The following ALCAM variants were observed in gnomAD, a reference collection of about 807,000 sequenced individuals.
ALCAM encodes activated leukocyte cell adhesion molecule.
ALCAM carries 30 observed loss-of-function variants against 70.9 expected under a neutral mutation model. The observed-to-expected ratio is 0.42, with a 90% CI of 0.32 to 0.57. The LOEUF (loss-of-function observed/expected upper bound fraction) is 0.57, where lower values mean the gene tolerates loss of function less well. Ranked by LOEUF, ALCAM falls within the 20% of genes least tolerant of loss-of-function variation. ALCAM has a pLI of 0.11. For missense variants in ALCAM, 591 were observed against 695.1 expected, an observed-to-expected ratio of 0.85 and a Z score of 1.68; for synonymous variants, 249 against 242.5, an observed-to-expected ratio of 1.03 and a Z score of -0.25.
intron 1 of ALCAM, among the ~76,000 whole-genome samples, chr3:105,393,573 A>G (rs548835228): frequency 3.3e-5 from 5 of 151,876 alleles, no homozygotes; most frequent in Non-Finnish European, 7.4e-5. Context: ...AACCAAATTA[A>G]TTTTATAATG....
chr3:105,545,429 T>A (rs1336260452), intron 9 of ALCAM, 94 bp downstream of exon 9: 16 of 809,646 alleles, frequency 2.0e-5, no homozygotes, highest in Admixed American at 1.4e-4. Flanking sequence ...GGTATATTCA[T>A]GGATGTGTTT....
chr3:105,531,835 G>T (rs1939846041), intron 3 of ALCAM, among the ~76,000 whole-genome samples, 167 bp from the exon 4 acceptor site: 1 of 152,006 alleles, frequency 6.6e-6, no homozygotes, highest in South Asian at 2.1e-4. Context: ...TATTTGAAGG[G>T]GTAGACCTAT....
At chr3:105,374,892 G>A (rs1935339291) in intron 1 of ALCAM, among the ~76,000 whole-genome samples, 1 of 152,122 alleles carries the variant, frequency 6.6e-6, no homozygotes, top group Admixed American at 6.5e-5. Flanking sequence ...TATTCCCTTG[G>A]CAATAATTGC....
chr3:105,457,326 A>C (rs1937547203), intron 1 of ALCAM, among the ~76,000 whole-genome samples: 1 of 152,096 alleles, frequency 6.6e-6, no homozygotes, highest in South Asian at 2.1e-4. Flanking sequence ...CAAATACTGC[A>C]TGTTCTCACT....
chr3:105,509,646 G>A (rs1433004123), intron 1 of ALCAM, among the ~76,000 whole-genome samples: 1 of 151,738 alleles, frequency 6.6e-6, no homozygotes, highest in African/African-American at 2.4e-5. Flanking sequence ...TATATGGTTT[G>A]CAAATATTTT....
chr3:105,425,184 T>C (rs185201840), intron 1 of ALCAM, among the ~76,000 whole-genome samples: 9 of 152,010 alleles, frequency 5.9e-5, no homozygotes, highest in African/African-American at 2.2e-4. Flanking sequence ...TTCATTATTA[T>C]TGAATTCTTT....
At chr3:105,533,234 G>A (rs192846285) in intron 4 of ALCAM, among the ~76,000 whole-genome samples, 314 of 152,164 alleles carry the variant, frequency 2.1e-3, no homozygotes, top group Admixed American at 3.5e-3. Flanking sequence ...TTATTCTTCC[G>A]TATGAAGATC....
intron 6 of ALCAM, 64 bp downstream of exon 6, chr3:105,534,909 A>G: frequency 7.0e-7 from 1 of 1,425,584 alleles, no homozygotes; most frequent in Non-Finnish European, 9.4e-7. Context: ...AATGCTATTA[A>G]TCTTTGAGGT....
chr3:105,422,240 G>T (rs1242459715), intron 1 of ALCAM, among the ~76,000 whole-genome samples: 1 of 151,278 alleles, frequency 6.6e-6, no homozygotes, highest in Non-Finnish European at 1.5e-5. Flanking sequence ...CCATTCATGG[G>T]TCGATAGGCA....
At chr3:105,567,200 G>A (rs941285142) in intron 14 of ALCAM, among the ~76,000 whole-genome samples, 7 of 152,110 alleles carry the variant, frequency 4.6e-5, no homozygotes, top group Non-Finnish European at 7.4e-5. Context: ...TGGTTAGTAT[G>A]TCTATGATTA....
At position 105,570,754 on chromosome 3, in the gene ALCAM, G is replaced by A. The variant is rs1244810649; in HGVS notation, c.1665-1098G>A. ...TATACATGAATGTCACAAACTTAAG[G>A]TTGAGTTTAAATAAAAGGCAAACAC... On this transcript the variant is annotated intron_variant, in intron 14 of 15. Transcript: ENST00000306107. Among the ~76,000 whole-genome samples the A allele has an allele frequency of 4.6e-5, 7 of 152,108 alleles. No individual in the cohort carries two copies. In the South Asian group the frequency reaches 6.2e-4, roughly 14 times the overall value.
At position 105,467,651 on chromosome 3, in the gene ALCAM, T is replaced by A. The variant is rs189910909; in HGVS notation, c.74-52416T>A. Among the ~76,000 whole-genome samples, 4 of 151,454 alleles carry A rather than the reference T, an allele frequency of 2.6e-5. No individual in the cohort carries two copies. In the East Asian group the frequency reaches 5.8e-4, roughly 22 times the overall value. On this transcript the variant is annotated intron_variant, in intron 1 of 15. Coordinates refer to ENST00000306107, the MANE Select transcript of ALCAM (RefSeq NM_001627.4). ...TAGGATCTTCAATGAGGTTTGGAGA[T>A]ACCTTAAAATTATCAGAAGTGATTA...
At chr3:105,500,383 T>C (rs928743444) in intron 1 of ALCAM, among the ~76,000 whole-genome samples, 2 of 152,130 alleles carry the variant, frequency 1.3e-5, no homozygotes, top group Non-Finnish European at 2.9e-5. Context: ...ATGCAAGCTC[T>C]GTTTGTGGTG....
chr3:105,546,843 T>G (rs755727370), intron 9 of ALCAM, among the ~76,000 whole-genome samples: 1 of 151,346 alleles, frequency 6.6e-6, no homozygotes, highest in African/African-American at 2.4e-5. Flanking sequence ...TAGGATTATT[T>G]TCTGTATATC....
chr3:105,572,256 C>T (rs1001982795), intron 15 of ALCAM, among the ~76,000 whole-genome samples: 3 of 152,224 alleles, frequency 2.0e-5, no homozygotes, highest in Middle Eastern at 3.4e-3. Context: ...CTGACAGGCC[C>T]CATTGTGTGG....
At chr3:105,438,411 CT>C (rs1457659855) in intron 1 of ALCAM, among the ~76,000 whole-genome samples, 2 of 151,932 alleles carry the variant, frequency 1.3e-5, no homozygotes, top group Admixed American at 6.6e-5. Context: ...GTTAGTTAAG[CT>C]TTTAAAAAGT....
intron 1 of ALCAM, among the ~76,000 whole-genome samples, chr3:105,417,124 T>C (rs2895299): frequency 0.69 from 104,521 of 151,602 alleles, 36,355 homozygotes; most frequent in East Asian, 0.93. Flanking sequence ...CAAAAATGTC[T>C]CCCAGCCCCA....
At chr3:105,483,500 G>T (rs1314617046) in intron 1 of ALCAM, among the ~76,000 whole-genome samples, 3 of 152,050 alleles carry the variant, frequency 2.0e-5, no homozygotes, top group Admixed American at 2.0e-4. Context: ...GAAAATGTAC[G>T]GAGAAGCTTA....
At chr3:105,560,113 T>A in intron 14 of ALCAM, among the ~76,000 whole-genome samples, 1 of 152,186 alleles carries the variant, frequency 6.6e-6, no homozygotes, top group Non-Finnish European at 1.5e-5. Flanking sequence ...AGCAGACATT[T>A]GTTTATGGGA....
Sources: allele counts gnomAD v4.1 joint callset (sites outside exome capture counted in the v4.1 genomes callset), GRCh38; gene constraint gnomAD v4.1.1; transcripts MANE v1.5; gene names NCBI Gene and HGNC (gene_info 2026-07-23, HGNC 2026-07-21).